CAPN8: variants seen among roughly 807,000 people sequenced by gnomAD.
CAPN8 encodes calpain 8, also known as calpain-8.
Under a neutral mutation model 80.9 loss-of-function variants are expected in CAPN8, and 87 were observed. That is an observed-to-expected ratio of 1.07 (90% CI 0.90 to 1.28). The LOEUF (loss-of-function observed/expected upper bound fraction) is 1.28. Among genes scored for constraint, CAPN8 ranks in the 50% most tolerant of loss-of-function variants. CAPN8 has a pLI of 0.00. For synonymous variants in CAPN8, 299 were observed against 273.8 expected (o/e 1.09, Z -0.91); for missense variants, 757 against 702.0 (o/e 1.08, Z -0.89).
At chr1:223,645,436 C>G (rs1658162289) in intron 2 of CAPN8, among the ~76,000 whole-genome samples, 1 of 152,144 alleles carries the variant, frequency 6.6e-6, no homozygotes, top group African/African-American at 2.4e-5. Context: ...CCATCAGGCC[C>G]TCCAACTCTG....
chr1:223,651,514 C>G (rs536854232), intron 2 of CAPN8, among the ~76,000 whole-genome samples: 1 of 152,184 alleles, frequency 6.6e-6, no homozygotes, highest in Non-Finnish European at 1.5e-5. Flanking sequence ...GAGACTCATA[C>G]ATTTAGGATG....
intron 2 of CAPN8, among the ~76,000 whole-genome samples, chr1:223,651,611 C>A (rs1478778026): frequency 6.6e-6 from 1 of 152,196 alleles, no homozygotes; most frequent in Non-Finnish European, 1.5e-5. Context: ...GACGTGCTGG[C>A]AAATAGCCTA....
At chr1:223,546,230 G>A (rs566365926) in intron 16 of CAPN8, among the ~76,000 whole-genome samples, 4 of 151,966 alleles carry the variant, frequency 2.6e-5, no homozygotes, top group Non-Finnish European at 5.9e-5. Flanking sequence ...TAAACAGTGC[G>A]TATGTTACAG....
In CAPN8 at chr1:223,544,162, A is replaced by C; in HGVS notation, c.1934T>G (p.Val645Gly). Residue 645 changes from valine to glycine, a missense_variant, in exon 19 of 21, where the codon GTG becomes GGG. By Grantham distance (109) the Val-to-Gly change is moderately radical (BLOSUM62 -3). Coordinates refer to ENST00000366872, the MANE Select transcript of CAPN8 (RefSeq NM_001143962.2). ...ATACCGCAGGGCAATGGTCTGCTGC[A>C]CCTGGCTGTTGAGGGTGAAACCTGA... ...RKAGFTLNSQVQQTIALRYAC... is the reference protein window; with the variant it reads ...RKAGFTLNSQGQQTIALRYAC... 1 of 718,240 alleles carries C rather than the reference A, an allele frequency of 1.4e-6. No homozygotes were observed. The highest frequency in any genetic ancestry group is 1.5e-5 in the South Asian group (1 of 67,602). The allele number at this position is 718,240 out of a possible 1,614,324, so 44.5% of individuals were successfully genotyped here. A position where few individuals can be genotyped will look rare whatever the true frequency, so the allele number is the denominator to read the frequency against.
chr1:223,549,423 T>C, intron 15 of CAPN8, 41 bp from the exon 16 acceptor site: 1 of 1,551,166 alleles, frequency 6.4e-7, no homozygotes, highest in Admixed American at 2.0e-5. Context: ...AATCGGATCA[T>C]TTGAAGGTGA....
chr1:223,545,115 A>T, intron 17 of CAPN8, 116 bp downstream of exon 17: 1 of 1,504,104 alleles, frequency 6.6e-7, no homozygotes, highest in Non-Finnish European at 9.0e-7. Context: ...CAATGTGCCC[A>T]GGACTCAATA....
intron 1 of CAPN8, among the ~76,000 whole-genome samples, chr1:223,655,327 C>T (rs764764110): frequency 4.6e-5 from 7 of 152,184 alleles, no homozygotes; most frequent in South Asian, 4.1e-4. Flanking sequence ...TTCCTCCACT[C>T]ACCTATCTCA....
chr1:223,649,751 C>T (rs115842657), intron 2 of CAPN8, among the ~76,000 whole-genome samples: 273 of 152,252 alleles, frequency 1.8e-3, no homozygotes, highest in African/African-American at 6.1e-3. Context: ...GATTTAATAA[C>T]GATGATAGGC....
At chr1:223,642,704 G>A in intron 2 of CAPN8, 1 of 427,564 alleles carries the variant, frequency 2.3e-6, no homozygotes, top group Non-Finnish European at 4.6e-6. Flanking sequence ...TCAGTGGAGA[G>A]GAAAAGGAAA....
Position 223,543,310 on chromosome 1 carries a change from G to T in CAPN8, c.2030-144C>A. The T allele has an allele frequency of 4.3e-6, 4 of 930,782 alleles. No individual in the cohort carries two copies. In the East Asian group the frequency reaches 8.0e-5, roughly 19 times the overall value. The allele number at this position is 930,782 out of a possible 1,614,324, so 57.7% of individuals were successfully genotyped here. A position where few individuals can be genotyped will look rare whatever the true frequency, so the allele number is the denominator to read the frequency against. ...CCCCTCCCCTCCAGCCCCCACCTAG[G>T]CCCAGGGGCCTCAAAAAGCTAGATC... On this transcript the variant is annotated intron_variant, in intron 19 of 20. Transcript: ENST00000366872.
chr1:223,546,894 T>G (rs1420942918), intron 16 of CAPN8, among the ~76,000 whole-genome samples: 1 of 21,576 alleles, frequency 4.6e-5, no homozygotes, highest in African/African-American at 1.2e-4. Context: ...TGGTTGTTGT[T>G]GTTGTTGTTG....
intron 13 of CAPN8, among the ~76,000 whole-genome samples, chr1:223,554,963 T>C (rs1656872054): frequency 6.6e-6 from 1 of 152,242 alleles, no homozygotes; most frequent in Non-Finnish European, 1.5e-5. Flanking sequence ...AATGGAAAAG[T>C]GACAGCTTCC....
At position 223,625,792 on chromosome 1, in the gene CAPN8, C is replaced by A; in HGVS notation, c.813+13G>T. On this transcript the variant is annotated intron_variant, in intron 6 of 20. Coordinates refer to ENST00000366872, the MANE Select transcript of CAPN8 (RefSeq NM_001143962.2). ...ATCACACGTTACCTTCCCCACCTTCCACACAATTTTACCTCTTCGACTCCA... is the reference window on the plus strand; with the variant it reads ...ATCACACGTTACCTTCCCCACCTTCAACACAATTTTACCTCTTCGACTCCA... The A allele has an allele frequency of 1.3e-6, 2 of 1,544,322 alleles. No individual in the cohort carries two copies. The highest frequency in any genetic ancestry group is 1.8e-6 in the Non-Finnish European group (2 of 1,140,494).
At chr1:223,618,195 T>C in intron 9 of CAPN8, 1 of 1,547,808 alleles carries the variant, frequency 6.5e-7, no homozygotes, top group South Asian at 1.2e-5. Context: ...AGGATTTGCT[T>C]TTCTTCATTT....
intron 2 of CAPN8, among the ~76,000 whole-genome samples, chr1:223,650,197 G>T (rs1040967549): frequency 1.3e-5 from 2 of 152,154 alleles, no homozygotes; most frequent in African/African-American, 4.8e-5. Flanking sequence ...GGCTCAGAGG[G>T]CAGAGGTGGC....
chr1:223,643,405 T>A (rs1382489033), intron 2 of CAPN8, among the ~76,000 whole-genome samples: 1 of 152,214 alleles, frequency 6.6e-6, no homozygotes, highest in Non-Finnish European at 1.5e-5. Context: ...ATGAGGGTGG[T>A]CTTCCAGGCT....
intron 2 of CAPN8, among the ~76,000 whole-genome samples, chr1:223,648,099 A>G (rs1429399267): frequency 6.6e-6 from 1 of 152,218 alleles, no homozygotes; most frequent in Non-Finnish European, 1.5e-5. Flanking sequence ...ACTCTCATTA[A>G]AGTGGAAGGG....
At chr1:223,628,951 T>G in intron 2 of CAPN8, 171 bp from the exon 3 acceptor site, 1 of 592,034 alleles carries the variant, frequency 1.7e-6, no homozygotes, top group Non-Finnish European at 3.0e-6. Flanking sequence ...CAGCTTCTTC[T>G]GCCTCCTTGG....
chr1:223,633,418 T>C (rs1040210424), intron 2 of CAPN8, among the ~76,000 whole-genome samples: 1 of 151,088 alleles, frequency 6.6e-6, no homozygotes, highest in Non-Finnish European at 1.5e-5. Flanking sequence ...AGAAATGTAT[T>C]TGAGAGGCCA....
Sources: gnomAD v4.1 joint callset for allele counts (sites outside exome capture counted in the v4.1 genomes callset) on GRCh38, gnomAD v4.1.1 for gene constraint, MANE v1.5 for transcripts, NCBI Gene and HGNC (gene_info 2026-07-23, HGNC 2026-07-21) for gene names.